Variants in ASB14 observed in about 807,000 individuals in gnomAD.
ASB14 encodes the protein ankyrin repeat and SOCS box containing 14, also known as ankyrin repeat and SOCS box protein 14.
A neutral mutation model predicts 55.6 loss-of-function variants in ASB14; 63 were observed. The ratio of observed to expected loss-of-function variants is 1.13; its 90% CI spans 0.92 to 1.40. The LOEUF (loss-of-function observed/expected upper bound fraction) is 1.40. Among genes scored for constraint, ASB14 ranks in the 40% most tolerant of loss-of-function variants. The pLI is 0.00. For synonymous variants in ASB14, 256 were observed against 259.9 expected (o/e 0.98, Z 0.15); for missense variants, 724 against 710.4 (o/e 1.02, Z -0.22).
intron 2 of ASB14, among the ~76,000 whole-genome samples, chr3:57,289,906 C>CA (rs2061115468): frequency 6.6e-6 from 1 of 152,014 alleles, no homozygotes; most frequent in Non-Finnish European, 1.5e-5. Flanking sequence ...CTCGGCCTCC[C>CA]AAAGTGCGGG....
At chr3:57,275,488 C>A (rs1487400778) in intron 10 of ASB14, among the ~76,000 whole-genome samples, 1 of 151,218 alleles carries the variant, frequency 6.6e-6, no homozygotes, top group Non-Finnish European at 1.5e-5. Context: ...ATGAAAATCT[C>A]AGAAATACAT....
chr3:57,279,272 T>C (rs937731963), intron 7 of ASB14, among the ~76,000 whole-genome samples: 21,259 of 132,498 alleles, frequency 0.16, 1,933 homozygotes, highest in African/African-American at 0.22. Context: ...TTCTTTTTTT[T>C]TTTTTTTTTT....
intron 2 of ASB14, among the ~76,000 whole-genome samples, chr3:57,289,427 C>G (rs774298214): frequency 2.6e-5 from 4 of 152,146 alleles, no homozygotes; most frequent in African/African-American, 4.8e-5. Flanking sequence ...TGAACTGAAT[C>G]AAGCCTGCCT....
chr3:57,289,241 G>A, intron 2 of ASB14, 118 bp from the exon 3 acceptor site: 1 of 689,004 alleles, frequency 1.5e-6, no homozygotes, highest in South Asian at 1.8e-5. Flanking sequence ...AACTTTCATA[G>A]GAGGCAATGA....
chr3:57,278,837 C>G lies in ASB14; in HGVS notation c.971G>C (p.Gly324Ala), dbSNP rs2107621900. 1.2e-6 allele frequency: 2 copies of G among 1,613,634 alleles called. No homozygotes were observed. The highest frequency in any genetic ancestry group is 1.7e-6 in the Non-Finnish European group (2 of 1,179,878). Residue 324 changes from glycine (G) to alanine (A), a missense_variant, in exon 8 of 11, where the codon GGA becomes GCA. By Grantham distance (60) the Gly-to-Ala change is moderately conservative. Transcript: ENST00000487349. ...GISPVHCAAAGAHPQCLELLI... is the reference protein window; with the variant it reads ...GISPVHCAAAAAHPQCLELLI... ...GAGTTCCAGGCACTGAGGATGTGCTCCTGCTGCTGCACAGTGAACTGGACT... is the reference window on the plus strand; with the variant it reads ...GAGTTCCAGGCACTGAGGATGTGCTGCTGCTGCTGCACAGTGAACTGGACT...
chr3:57,288,287 C>A lies in ASB14; in HGVS notation c.179-1G>T, dbSNP rs2061097409. On this transcript the variant is annotated splice_acceptor_variant, in intron 3 of 10. Transcript: ENST00000487349. LOFTEE classifies it high-confidence loss of function. ...AAGTGTGACAATGCATCTTCCTTACCTATTAACGAGTCAAATGAGAACAGA... is the reference window on the plus strand; with the variant it reads ...AAGTGTGACAATGCATCTTCCTTACATATTAACGAGTCAAATGAGAACAGA... The A allele has an allele frequency of 1.3e-6, 2 of 1,537,104 alleles. No individual in the cohort carries two copies. The highest frequency in any genetic ancestry group is 4.9e-5 in the East Asian group (2 of 40,910).
intron 2 of ASB14, among the ~76,000 whole-genome samples, chr3:57,290,060 T>C (rs1161420323): frequency 6.6e-6 from 1 of 152,208 alleles, no homozygotes; most frequent in Non-Finnish European, 1.5e-5. Flanking sequence ...TAAACCTGCA[T>C]TCATAGATTT....
At chr3:57,273,011 T>C (rs1268266094) in intron 10 of ASB14, 2 of 152,668 alleles carry the variant, frequency 1.3e-5, no homozygotes, top group Non-Finnish European at 2.9e-5. Context: ...TTAGCAAGTT[T>C]GGTTTACTCT....
intron 10 of ASB14, among the ~76,000 whole-genome samples, chr3:57,275,673 C>T (rs2060980071): frequency 6.6e-6 from 1 of 152,010 alleles, no homozygotes; most frequent in Admixed American, 6.6e-5. Flanking sequence ...TGGATACCTA[C>T]TGAGAGATGT....
intron 2 of ASB14, 140 bp downstream of exon 2, chr3:57,291,772 A>G: frequency 1.5e-6 from 1 of 653,052 alleles, no homozygotes; most frequent in South Asian, 2.9e-5. Context: ...GTTAGGCATA[A>G]TATCTTACAG....
intron 7 of ASB14, among the ~76,000 whole-genome samples, chr3:57,279,724 A>G (rs2061023548): frequency 6.6e-6 from 1 of 152,082 alleles, no homozygotes; most frequent in South Asian, 2.1e-4. Context: ...AATTATAGAA[A>G]GAAGCACACC....
chr3:57,289,882 C>T (rs1437850318), intron 2 of ASB14, among the ~76,000 whole-genome samples: 1 of 151,792 alleles, frequency 6.6e-6, no homozygotes, highest in Non-Finnish European at 1.5e-5. Flanking sequence ...CTCCTGACCT[C>T]GTGATCTGCT....
rs1024158289 is a variant in ASB14, at chr3:57,288,276, A to G, written c.189T>C (p.Asp63=). The part of the protein sequence containing the change: ...IVETIEKGKE[D]ALSHLTKYHS... ...GGTACTTGGTTAAGTGTGACAATGC[A>G]TCTTCCTTACCTATTAACGAGTCAA... Residue 63 remains aspartate, a synonymous_variant, in exon 4 of 11, where the codon GAT becomes GAC. Coordinates refer to ENST00000487349, the MANE Select transcript of ASB14 (RefSeq NM_001142733.3). The G allele has an allele frequency of 2.0e-6, 3 of 1,537,268 alleles. No individual in the cohort carries two copies. Among genetic ancestry groups the G allele is most frequent in the Non-Finnish European group, 1.7e-6 (2 of 1,146,790 alleles).
chr3:57,271,695 G>A (rs2060941279), intron 10 of ASB14: 1 of 152,210 alleles, frequency 6.6e-6, no homozygotes. Context: ...AGCACCCTGG[G>A]TCATAGTGTA....
intron 10 of ASB14, among the ~76,000 whole-genome samples, chr3:57,273,905 G>T (rs2060966037): frequency 6.6e-6 from 1 of 152,078 alleles, no homozygotes; most frequent in South Asian, 2.1e-4. Flanking sequence ...TTATAGAAAT[G>T]TATATATACT....
intron 5 of ASB14, among the ~76,000 whole-genome samples, chr3:57,285,389 CTAAG>C (rs1239375392): frequency 5.3e-5 from 8 of 152,218 alleles, no homozygotes; most frequent in Admixed American, 5.2e-4. Flanking sequence ...GCCCGTGTCT[CTAAG>C]TAACCTGCTT....
chr3:57,277,554 A>G (rs181869722), intron 9 of ASB14, among the ~76,000 whole-genome samples: 12 of 152,310 alleles, frequency 7.9e-5, no homozygotes, highest in Non-Finnish European at 1.3e-4. Flanking sequence ...CTATCTATAT[A>G]ATAAGTAGTT....
chr3:57,283,231 A>T lies in ASB14; in HGVS notation c.678T>A (p.Ser226Arg). 6.4e-7 allele frequency: 1 copy of T among 1,552,170 alleles called. No homozygotes were observed. The highest frequency in any genetic ancestry group is 8.7e-7 in the Non-Finnish European group (1 of 1,147,040). Residue 226 changes from serine (S) to arginine (R), a missense_variant, in exon 6 of 11, where the codon AGT becomes AGA. Transcript: ENST00000487349. ...GFTPLALAAQ[S>R]GHTEIMEMLL... ...ACATTTCCATGATTTCAGTGTGTCC[A>T]CTTTGGGCAGCAAGAGCAAGAGGAG...
intron 3 of ASB14, 80 bp from the exon 4 acceptor site, chr3:57,288,366 C>A: frequency 7.1e-7 from 1 of 1,416,638 alleles, no homozygotes; most frequent in Non-Finnish European, 9.6e-7. Flanking sequence ...AATTCTACCA[C>A]CAAAGTTAAT....
Sources: allele counts gnomAD v4.1 joint callset (sites outside exome capture counted in the v4.1 genomes callset), GRCh38; gene constraint gnomAD v4.1.1; transcripts MANE v1.5; gene names NCBI Gene and HGNC (gene_info 2026-07-23, HGNC 2026-07-21).